The following ZNF676 variants were observed in gnomAD, a reference collection of about 807,000 sequenced individuals.
ZNF676 encodes the protein zinc finger protein 676.
Under a neutral mutation model 6.0 loss-of-function variants are expected in ZNF676, and 4 were observed. The observed-to-expected ratio is 0.67, with a 90% CI of 0.33 to 1.53. The LOEUF (loss-of-function observed/expected upper bound fraction) is 1.53. Ranked by LOEUF, ZNF676 falls within the 40% of genes most tolerant of loss-of-function variation. The probability of loss-of-function intolerance (pLI) is 0.06; values close to 1 mark genes in which losing one functional copy is unlikely to be tolerated. For synonymous variants in ZNF676, 198 were observed against 223.1 expected (o/e 0.89, Z 1.00); for missense variants, 644 against 679.7 (o/e 0.95, Z 0.58).
the ZNF676 span, among the ~76,000 whole-genome samples, chr19:22,246,708 C>T: frequency 2.6e-5 from 4 of 152,264 alleles, no homozygotes; most frequent in East Asian, 1.9e-4. Context: ...GGCACAGGAA[C>T]GTATCACAAT....
At chr19:22,236,265 T>C in the ZNF676 span, among the ~76,000 whole-genome samples, 3 of 152,108 alleles carry the variant, frequency 2.0e-5, no homozygotes, top group African/African-American at 7.2e-5. Flanking sequence ...CTGCTAAGTA[T>C]GTCTATGCCA....
rs539470423 is a variant in ZNF676, at chr19:22,211,287, C to T, written c.3+4345G>A. 5.3e-5 allele frequency among the ~76,000 whole-genome samples: 8 copies of T among 152,224 alleles called. No homozygotes were observed. The South Asian group carries it at 1.2e-3, about 24-fold the overall frequency. On this transcript the variant is annotated intron_variant, in intron 1 of 3. Coordinates refer to the ZNF676 transcript ENST00000650058. ...CTCACTATAGAGGCTTCTTCCATGG[C>T]TGCGGTAAGCAGGCTGGGACATCTG...
chr19:22,213,484 G>A (rs2024151713), intron 1 of ZNF676, among the ~76,000 whole-genome samples: 1 of 152,166 alleles, frequency 6.6e-6, no homozygotes, highest in African/African-American at 2.4e-5. Flanking sequence ...ACCAGTAGAT[G>A]CCTCTCAGCC....
At chr19:22,193,218 T>C in intron 1 of ZNF676, 107 bp from the exon 2 acceptor site, 1 of 1,214,696 alleles carries the variant, frequency 8.2e-7, no homozygotes, top group South Asian at 2.5e-5. Context: ...AATACATTTA[T>C]CCCAAAATAC....
At chr19:22,224,839 T>A in the ZNF676 span, among the ~76,000 whole-genome samples, 51 of 152,198 alleles carry the variant, frequency 3.4e-4, no homozygotes, top group South Asian at 3.1e-3. Flanking sequence ...TCCAAAAAAA[T>A]TTTAAAATAA....
At position 22,179,891 on chromosome 19, in the gene ZNF676, T is replaced by C; in HGVS notation, c.*59A>G. On this transcript the variant is annotated 3_prime_UTR_variant, in exon 3 of 3. Coordinates refer to ENST00000397121, the MANE Select transcript of ZNF676 (RefSeq NM_001001411.3). ...TTGTAGATTTTCTCTCCAGTATGAA[T>C]TTTCTTATGTTTACTAGACTGAGAA... The C allele has an allele frequency of 6.4e-7, 1 of 1,560,058 alleles. No homozygotes were observed. The highest frequency in any genetic ancestry group is 8.8e-7 in the Non-Finnish European group (1 of 1,138,504).
upstream of ZNF676, among the ~76,000 whole-genome samples, chr19:22,200,173 T>C (rs2144785368): frequency 6.6e-6 from 1 of 152,196 alleles, no homozygotes; most frequent in African/African-American, 2.4e-5. Flanking sequence ...TTGTATAATT[T>C]TAATCTTTTT....
the ZNF676 span, among the ~76,000 whole-genome samples, chr19:22,255,860 CA>C: frequency 0.013 from 1,383 of 107,260 alleles, 4 homozygotes; most frequent in African/African-American, 0.022. Flanking sequence ...GACTCCATCT[CA>C]AAAAAAAAAA....
At chr19:22,183,173 C>A (rs567571794) in intron 2 of ZNF676, among the ~76,000 whole-genome samples, 14 of 151,148 alleles carry the variant, frequency 9.3e-5, no homozygotes, top group African/African-American at 3.2e-4. Context: ...CATATCAATA[C>A]GAAAACCAGA....
At chr19:22,218,500 ATT>A (rs142770128), upstream of ZNF676, among the ~76,000 whole-genome samples, 19 of 136,130 alleles carry the variant, frequency 1.4e-4, no homozygotes, top group African/African-American at 2.1e-4. Flanking sequence ...ACCCAGCTAA[ATT>A]TTTTTTTTTT....
At chr19:22,194,288 C>T (rs1470150403) in intron 1 of ZNF676, among the ~76,000 whole-genome samples, 4 of 152,078 alleles carry the variant, frequency 2.6e-5, no homozygotes, top group African/African-American at 7.2e-5. Flanking sequence ...CCCTAATGCC[C>T]CTGCTGCAGA....
At chr19:22,245,068 T>G in the ZNF676 span, 1 of 152,172 alleles carries the variant, frequency 6.6e-6, no homozygotes. Flanking sequence ...GGAACAGTGG[T>G]ACATCACAAT....
chr19:22,213,889 C>T (rs2024157566), intron 1 of ZNF676, among the ~76,000 whole-genome samples: 1 of 152,150 alleles, frequency 6.6e-6, no homozygotes, highest in Non-Finnish European at 1.5e-5. Flanking sequence ...GCTGAGGACA[C>T]GTCTCCCTAT....
chr19:22,215,215 CTTAAA>C (rs2024171599), intron 1 of ZNF676, among the ~76,000 whole-genome samples: 2 of 152,222 alleles, frequency 1.3e-5, no homozygotes, highest in South Asian at 2.1e-4. Flanking sequence ...TGGAATCACT[CTTAAA>C]TTATTTAATA....
the ZNF676 span, among the ~76,000 whole-genome samples, chr19:22,226,916 T>C: frequency 1.3e-5 from 2 of 152,178 alleles, no homozygotes; most frequent in Non-Finnish European, 2.9e-5. Flanking sequence ...TTAATTTTTA[T>C]ATACTTTTGG....
At chr19:22,201,942 T>C (rs1243850536), upstream of ZNF676, among the ~76,000 whole-genome samples, 1 of 152,136 alleles carries the variant, frequency 6.6e-6, no homozygotes, top group African/African-American at 2.4e-5. Context: ...AAGAGATAAA[T>C]ACATAGCTGA....
At chr19:22,183,415 G>A (rs577949123) in intron 2 of ZNF676, among the ~76,000 whole-genome samples, 7 of 152,134 alleles carry the variant, frequency 4.6e-5, no homozygotes, top group South Asian at 4.2e-4. Flanking sequence ...TCAGCTCACC[G>A]TAACCTCTGC....
chr19:22,231,490 G>C, the ZNF676 span, among the ~76,000 whole-genome samples: 2 of 150,450 alleles, frequency 1.3e-5, no homozygotes, highest in Non-Finnish European at 2.9e-5. Flanking sequence ...AGAGTCATCA[G>C]AGATCTAATG....
rs1159376851 is a variant in ZNF676 at position 22,215,040 on chromosome 19, C to CAAAAAAAAAAA, written c.3+581_3+591dup. Among the ~76,000 whole-genome samples, 9 of 51,420 alleles carry CAAAAAAAAAAA rather than the reference C, an allele frequency of 1.8e-4. 2 individuals carry two copies. Among genetic ancestry groups the CAAAAAAAAAAA allele is most frequent in the Non-Finnish European group, 2.1e-4 (6 of 27,974 alleles). 33.7% of individuals were successfully genotyped at this position (51,420 alleles called of 152,430 possible). ...TGGGCGACAGAGCGAGACTCCATCT[C>CAAAAAAAAAAA]AAAAAAAAAAAAAAAAAAAACAACA... On this transcript the variant is annotated intron_variant, in intron 1 of 3. Transcript: ENST00000650058.
Sources: allele counts gnomAD v4.1 joint callset (sites outside exome capture counted in the v4.1 genomes callset), GRCh38; gene constraint gnomAD v4.1.1; transcripts MANE v1.5; gene names NCBI Gene and HGNC (gene_info 2026-07-23, HGNC 2026-07-21).